Variants in BHLHE40 observed in about 807,000 individuals in gnomAD.
The protein encoded by BHLHE40 is class E basic helix-loop-helix protein 40.
BHLHE40 carries 3 observed loss-of-function variants against 35.7 expected under a neutral mutation model. That is an observed-to-expected ratio of 0.08 (90% CI 0.04 to 0.22). The LOEUF is 0.22. BHLHE40 is among the 10% of genes least tolerant of loss of function. The probability of loss-of-function intolerance (pLI) is 1.00; values close to 1 mark genes in which losing one functional copy is unlikely to be tolerated. For synonymous variants in BHLHE40, 236 were observed against 213.0 expected, an observed-to-expected ratio of 1.11 and a Z score of -0.94; for missense variants, 486 against 524.0, an observed-to-expected ratio of 0.93 and a Z score of 0.71.
chr3:4,980,052 G>C, intron 2 of BHLHE40, 21 bp downstream of exon 2: 2 of 1,613,176 alleles, frequency 1.2e-6, no homozygotes, highest in Non-Finnish European at 1.7e-6. Context: ...GCACCCCTAG[G>C]GACCCTGCGC....
At chr3:4,982,416 A>G (rs2053206159) in intron 4 of BHLHE40, among the ~76,000 whole-genome samples, 1 of 152,232 alleles carries the variant, frequency 6.6e-6, no homozygotes, top group African/African-American at 2.4e-5. Context: ...TTTTATAACT[A>G]TCCAGCCTCT....
Position 4,979,607 on chromosome 3 carries a change from G to C in BHLHE40, c.-112G>C, listed in dbSNP as rs1272753383. On this transcript the variant is annotated 5_prime_UTR_variant, in exon 1 of 5. Coordinates refer to ENST00000256495, the MANE Select transcript of BHLHE40 (RefSeq NM_003670.3). ...AGCCCAGGGGATTTCAAAGAGCTCA[G>C]ACTCAGAGGAACATCTGCGGAGAGA... The C allele has an allele frequency of 8.9e-7, 1 of 1,123,644 alleles. No individual in the cohort carries two copies. The highest frequency in any genetic ancestry group is 1.3e-6 in the Non-Finnish European group (1 of 784,176). The allele number at this position is 1,123,644 out of a possible 1,614,324, so 69.6% of individuals were successfully genotyped here. A position where few individuals can be genotyped will look rare whatever the true frequency, so the allele number is the denominator to read the frequency against.
Position 4,979,759 on chromosome 3 carries a change from T to G in BHLHE40, c.41T>G (p.Leu14Arg). ...AGCGCGCAACCACCCCCCGCCTGCC[T>G]GCCCAAAGCACCGGGACTGGAGCAC... The part of the protein sequence containing the change: ...IPSAQPPPAC[L>R]PKAPGLEHGD... Residue 14 changes from leucine (L) to arginine (R), a missense_variant, in exon 1 of 5, where the codon CTG becomes CGG. By Grantham distance (102) the Leu-to-Arg change is moderately radical. Around this residue, in one of 5 missense-constraint regions of BHLHE40, gnomAD observed 87 missense variants for 66.7 expected, o/e 1.30. Transcript: ENST00000256495. 2 of 1,585,508 alleles carry G rather than the reference T, an allele frequency of 1.3e-6. No homozygotes were observed. Among genetic ancestry groups the G allele is most frequent in the Non-Finnish European group, 1.7e-6 (2 of 1,165,934 alleles).
At chr3:4,981,994 A>G (rs1172335839) in intron 4 of BHLHE40, among the ~76,000 whole-genome samples, 1 of 152,202 alleles carries the variant, frequency 6.6e-6, no homozygotes, top group African/African-American at 2.4e-5. Flanking sequence ...AATAGCCACT[A>G]GGTATCTTGG....
At chr3:4,982,727 T>A in intron 4 of BHLHE40, 109 bp from the exon 5 acceptor site, 3 of 1,278,600 alleles carry the variant, frequency 2.3e-6, no homozygotes, top group Non-Finnish European at 3.1e-6. Flanking sequence ...AATCAGTAAA[T>A]GCATTTTTTT....
chr3:4,983,676 T>G lies in BHLHE40; in HGVS notation c.1223T>G (p.Leu408Ter). ...QALKPIPPLN[L>*]ETKD ...CTGAAGCCAATCCCCCCTTTAAACT[T>G]AGAAACCAAAGACTAAACTCTCTAG... The change falls in exon 5 of 5, where the codon TTA becomes TGA. Residue 408 changes from leucine to a stop codon, truncating the protein, a stop_gained. Transcript: ENST00000256495. LOFTEE classifies it high-confidence loss of function. This position sits in a 1 kb window ranked among gnomAD's most constrained non-coding sequence, Gnocchi z 5.0. 1 of 1,607,874 alleles carries G rather than the reference T, an allele frequency of 6.2e-7. No individual in the cohort carries two copies. Among genetic ancestry groups the G allele is most frequent in the South Asian group, 1.1e-5 (1 of 90,836 alleles).
At chr3:4,981,191 C>T (rs1198253980) in intron 3 of BHLHE40, among the ~76,000 whole-genome samples, 3,474 of 13,336 alleles carry the variant, frequency 0.26, 120 homozygotes, top group African/African-American at 0.32. Context: ...TATATACACA[C>T]ACACACACAC....
Position 4,982,881 on chromosome 3 carries a change from G to T in BHLHE40, c.428G>T (p.Cys143Phe), listed in dbSNP as rs1483054109. ...GTCGAAACAGGTCAAGAGATGTTCT[G>T]CTCAGGTTTCCAGACATGTGCCCGG... is the stretch of plus-strand genomic sequence containing the variant. ...RNVETGQEMF[C>F]SGFQTCAREV... Residue 143 changes from cysteine (C) to phenylalanine (F), a missense_variant, in exon 5 of 5, where the codon TGC (cysteine) becomes TTC (phenylalanine). By Grantham distance (205) the Cys-to-Phe change is radical. Transcript: ENST00000256495. 6.2e-7 allele frequency: 1 copy of T among 1,614,142 alleles called. No homozygotes were observed. The highest frequency in any genetic ancestry group is 8.5e-7 in the Non-Finnish European group (1 of 1,180,032).
In BHLHE40 at chr3:4,984,984, C is replaced by G. The variant is rs2053234230; in HGVS notation, c.*1292C>G. 1 of 152,004 alleles carries G rather than the reference C, an allele frequency of 6.6e-6. No homozygotes were observed. The highest frequency in any genetic ancestry group is 6.6e-5 in the Admixed American group (1 of 15,248). 9.4% of individuals were successfully genotyped at this position (152,004 alleles called of 1,614,324 possible). On this transcript the variant is annotated 3_prime_UTR_variant, in exon 5 of 5. Coordinates refer to ENST00000256495, the MANE Select transcript of BHLHE40 (RefSeq NM_003670.3). ...TGTTTATTTGTATAATTACTTGATT[C>G]ACACAGTGAGAAAAAATGAATGTAT...
chr3:4,980,257 A>C, intron 2 of BHLHE40, 44 bp from the exon 3 acceptor site: 1 of 1,539,518 alleles, frequency 6.5e-7, no homozygotes, highest in South Asian at 1.1e-5. Flanking sequence ...TAGGCTTCTC[A>C]TCTCCTTCCC....
intron 2 of BHLHE40, 68 bp from the exon 3 acceptor site, chr3:4,980,233 C>T: frequency 7.2e-7 from 1 of 1,389,836 alleles, no homozygotes; most frequent in South Asian, 1.2e-5. Context: ...ACTGTTGCTG[C>T]GGGGCTGGGA....
At position 4,983,455 on chromosome 3, in the gene BHLHE40, C is replaced by T. The variant is rs547386842; in HGVS notation, c.1002C>T (p.Ala334=). 6.9e-5 allele frequency: 111 copies of T among 1,614,194 alleles called. No individual in the cohort carries two copies. In the South Asian group the frequency reaches 1.2e-3, roughly 17 times the overall value. The change falls in exon 5 of 5, where the codon GCC becomes GCT. Residue 334 remains alanine (A), a synonymous_variant. Coordinates refer to ENST00000256495, the MANE Select transcript of BHLHE40 (RefSeq NM_003670.3). The surrounding 1 kb of genome is among the most constrained non-coding windows in gnomAD (Gnocchi z 5.0). ...ACCTGATCCCACCTTCAGCGACTGC[C>T]TACCTGCCCATGCTGGAGAAGTGCT... ...PFYLIPPSAT[A]YLPMLEKCWY...
At chr3:4,980,461 C>CG in intron 3 of BHLHE40, 53 bp downstream of exon 3, 1 of 1,466,926 alleles carries the variant, frequency 6.8e-7, no homozygotes, top group East Asian at 2.3e-5. Flanking sequence ...AGAGGGCGGG[C>CG]GGGTCACTCG....
chr3:4,982,708 A>C, intron 4 of BHLHE40, 128 bp from the exon 5 acceptor site: 1 of 1,175,818 alleles, frequency 8.5e-7, no homozygotes, highest in Non-Finnish European at 1.2e-6. Context: ...TTTTGGAGTT[A>C]GGAACACAAA....
In BHLHE40 at chr3:4,984,245, G is replaced by C. The variant is rs2053227761; in HGVS notation, c.*553G>C. On this transcript the variant is annotated 3_prime_UTR_variant, in exon 5 of 5. Transcript: ENST00000256495. ...CAGACCGAGCTTTCTGCTAACATGG[G>C]GAGGTAGCAGGCACTGGCATAGCAC... 1 of 154,012 alleles carries C rather than the reference G, an allele frequency of 6.5e-6. No individual in the cohort carries two copies. The highest frequency in any genetic ancestry group is 1.4e-5 in the Non-Finnish European group (1 of 69,212). 9.5% of individuals were successfully genotyped at this position (154,012 alleles called of 1,614,324 possible).
At chr3:4,981,537 G>T (rs780019423) in intron 4 of BHLHE40, 22 bp downstream of exon 4, 12 of 1,612,104 alleles carry the variant, frequency 7.4e-6, no homozygotes, top group Admixed American at 1.7e-5. Flanking sequence ...TTCTGGCTAT[G>T]CTCTCTTTAA....
In BHLHE40 at chr3:4,985,308, G is replaced by A. The variant is rs1037618833; in HGVS notation, c.*1616G>A. The A allele has an allele frequency of 2.6e-5, 4 of 152,170 alleles. No individual in the cohort carries two copies. The highest frequency in any genetic ancestry group is 9.7e-5 in the African/African-American group (4 of 41,422). The allele number at this position is 152,170 out of a possible 1,614,324, so 9.4% of individuals were successfully genotyped here. A position where few individuals can be genotyped will look rare whatever the true frequency, so the allele number is the denominator to read the frequency against. ...TTTCATTCAGCTTTTCATGTGCTTT[G>A]TATTCAATCAGAATAAGCTTAGTCA... On this transcript the variant is annotated 3_prime_UTR_variant, in exon 5 of 5. Coordinates refer to ENST00000256495, the MANE Select transcript of BHLHE40 (RefSeq NM_003670.3).
At chr3:4,981,185 TACACACACACACACAC>T (rs10549138) in intron 3 of BHLHE40, among the ~76,000 whole-genome samples, 191 bp from the exon 4 acceptor site, 14 of 143,884 alleles carry the variant, frequency 9.7e-5, no homozygotes, top group Admixed American at 2.1e-4. Flanking sequence ...TATATATATA[TACACACACACACACAC>T]ACACACACAC....
chr3:4,982,046 C>T (rs768596799), intron 4 of BHLHE40, among the ~76,000 whole-genome samples: 2 of 152,220 alleles, frequency 1.3e-5, no homozygotes, highest in Non-Finnish European at 2.9e-5. Context: ...TTTCATCATT[C>T]GTTTCTACTG....
Sources: allele counts gnomAD v4.1 joint callset (sites outside exome capture counted in the v4.1 genomes callset), GRCh38; gene constraint gnomAD v4.1.1; regional missense constraint gnomAD v4.1.1; non-coding constraint Gnocchi (gnomAD v3.1); transcripts MANE v1.5; gene names NCBI Gene and HGNC (gene_info 2026-07-23, HGNC 2026-07-21).